MID2: variants seen among roughly 807,000 people sequenced by gnomAD.
The protein encoded by MID2 is probable E3 ubiquitin-protein ligase MID2.
MID2 carries 13 observed loss-of-function variants against 46.1 expected under a neutral mutation model. That is an observed-to-expected ratio of 0.28 (90% CI 0.18 to 0.45). The LOEUF is 0.45. Among genes scored for constraint, MID2 ranks in the 20% least tolerant of loss-of-function variants. The pLI is 1.00. For missense variants in MID2, 431 were observed against 575.4 expected (o/e 0.75, Z 2.57); for synonymous variants, 199 against 212.3 (o/e 0.94, Z 0.55).
chrX:107,838,778 CA>C (rs1423758680), intron 1 of MID2, among the ~76,000 whole-genome samples: 1 of 111,536 alleles, frequency 9.0e-6, no homozygotes, highest in Non-Finnish European at 1.9e-5. Context: ...CCAATGATGA[CA>C]AGATAATAAA....
intron 2 of MID2, among the ~76,000 whole-genome samples, chrX:107,850,266 A>T (rs1931583681): frequency 2.7e-5 from 3 of 111,380 alleles, no homozygotes; most frequent in African/African-American, 9.8e-5. Flanking sequence ...TACTTGGCCA[A>T]ATCAATCAAA....
At chrX:107,910,779 T>C (rs1048131238) in intron 5 of MID2, among the ~76,000 whole-genome samples, 1 of 6,508 alleles carries the variant, frequency 1.5e-4, no homozygotes, top group African/African-American at 1.9e-3. Context: ...TTTCCTTTCC[T>C]TTCCTTTCCT....
rs1196892084 is a variant in MID2, at chrX:107,873,825, G to T, written c.816+19121G>T. Among the ~76,000 whole-genome samples, 39 of 111,596 alleles carry T rather than the reference G, an allele frequency of 3.5e-4. No individual in the cohort carries two copies. In the Admixed American group the frequency reaches 3.7e-3, roughly 11 times the overall value. On this transcript the variant is annotated intron_variant, in intron 3 of 9. Coordinates refer to ENST00000262843, the MANE Select transcript of MID2 (RefSeq NM_012216.4). ...GAGGATAATAGTCTATTAATTTCCT[G>T]ATGGTATTTAATGGGACTCCCATTA...
At chrX:107,872,471 A>G (rs1932093883) in intron 3 of MID2, among the ~76,000 whole-genome samples, 1 of 112,413 alleles carries the variant, frequency 8.9e-6, no homozygotes, top group African/African-American at 3.2e-5. Context: ...TTAATTATTA[A>G]CACTTATCTT....
intron 3 of MID2, among the ~76,000 whole-genome samples, chrX:107,872,170 A>G (rs1932083278): frequency 9.0e-6 from 1 of 111,695 alleles, no homozygotes; most frequent in African/African-American, 3.3e-5. Flanking sequence ...AGGTCTACCT[A>G]AGGGTCCCCA....
chrX:107,853,864 C>G (rs1333554205), intron 2 of MID2, among the ~76,000 whole-genome samples: 1 of 111,805 alleles, frequency 8.9e-6, no homozygotes, highest in African/African-American at 3.3e-5. Flanking sequence ...TTTGCACATG[C>G]TAGTAATATG....
intron 3 of MID2, among the ~76,000 whole-genome samples, chrX:107,886,172 G>T (rs1932447918): frequency 9.0e-6 from 1 of 111,661 alleles, no homozygotes; most frequent in Admixed American, 9.5e-5. Flanking sequence ...ATTGCTTTTG[G>T]TGTTTTAGAC....
chrX:107,876,736 C>T (rs1267097788), intron 3 of MID2, among the ~76,000 whole-genome samples: 1 of 112,235 alleles, frequency 8.9e-6, no homozygotes, highest in Non-Finnish European at 1.9e-5. Flanking sequence ...TCAAAAGTAA[C>T]ATAATGTCTT....
intron 3 of MID2, among the ~76,000 whole-genome samples, chrX:107,879,605 G>A (rs1214606903): frequency 8.9e-6 from 1 of 111,805 alleles, no homozygotes. Context: ...CAGCATTCAA[G>A]AGGGAAAACA....
At chrX:107,829,134 C>T (rs1931034843) in intron 1 of MID2, among the ~76,000 whole-genome samples, 1 of 111,989 alleles carries the variant, frequency 8.9e-6, no homozygotes, top group Non-Finnish European at 1.9e-5. Context: ...CTGCCAAGTC[C>T]AAGTGTTGGG....
At chrX:107,827,531 G>A (rs1412268621) in intron 1 of MID2, among the ~76,000 whole-genome samples, 1 of 111,896 alleles carries the variant, frequency 8.9e-6, no homozygotes, top group Non-Finnish European at 1.9e-5. Context: ...AAACTAAATA[G>A]AGAAGTACTG....
At chrX:107,874,031 A>G (rs1159551185) in intron 3 of MID2, among the ~76,000 whole-genome samples, 1 of 112,590 alleles carries the variant, frequency 8.9e-6, no homozygotes, top group Non-Finnish European at 1.9e-5. Context: ...ACTCTCAACA[A>G]TATCATTCAG....
intron 3 of MID2, chrX:107,895,721 C>T (rs1183126858): frequency 3.6e-5 from 4 of 111,420 alleles, no homozygotes; most frequent in African/African-American, 1.3e-4. Context: ...TTTATTTCTT[C>T]AGAGGGATTT....
chrX:107,869,748 A>G (rs1932028439), intron 3 of MID2, among the ~76,000 whole-genome samples: 1 of 110,249 alleles, frequency 9.1e-6, no homozygotes, highest in African/African-American at 3.3e-5. Flanking sequence ...TTCTATTTCC[A>G]TTTTTAAAAG....
chrX:107,840,977 T>C lies in MID2; in HGVS notation c.312T>C (p.Asp104=). Residue 104 remains aspartate, a synonymous_variant, in exon 2 of 10, where the codon GAT becomes GAC. Coordinates refer to ENST00000262843, the MANE Select transcript of MID2 (RefSeq NM_012216.4). The part of the protein sequence containing the change: ...KRNVTLQNII[D]RFQKASVSGP... ...ATGTGACTCTGCAGAACATTATTGA[T>C]CGCTTCCAGAAGGCTTCAGTCAGTG... 1 of 1,211,411 alleles carries C rather than the reference T, an allele frequency of 8.3e-7. No individual in the cohort carries two copies. The highest frequency in any genetic ancestry group is 1.8e-5 in the South Asian group (1 of 56,941).
intron 3 of MID2, among the ~76,000 whole-genome samples, chrX:107,880,682 G>C (rs73529364): frequency 8.9e-6 from 1 of 112,433 alleles, no homozygotes; most frequent in African/African-American, 3.2e-5. Context: ...TGGAATAATG[G>C]CAGGTAATCA....
intron 3 of MID2, among the ~76,000 whole-genome samples, chrX:107,894,348 T>C (rs1932670727): frequency 9.0e-6 from 1 of 111,347 alleles, no homozygotes; most frequent in Non-Finnish European, 1.9e-5. Flanking sequence ...GTAAAGCACC[T>C]AGGAAAGGCA....
chrX:107,914,706 A>G (rs1932941542), intron 5 of MID2, among the ~76,000 whole-genome samples: 1 of 112,377 alleles, frequency 8.9e-6, no homozygotes, highest in Non-Finnish European at 1.9e-5. Context: ...CTTGCACAGG[A>G]CTAAAACATG....
chrX:107,885,431 T>A (rs948419868), intron 3 of MID2, among the ~76,000 whole-genome samples: 2 of 110,593 alleles, frequency 1.8e-5, no homozygotes, highest in Non-Finnish European at 3.8e-5. Flanking sequence ...TTCATCCATG[T>A]CCCTAAAAAG....
Sources: allele counts gnomAD v4.1 joint callset (sites outside exome capture counted in the v4.1 genomes callset), GRCh38; gene constraint gnomAD v4.1.1; transcripts MANE v1.5; gene names NCBI Gene and HGNC (gene_info 2026-07-23, HGNC 2026-07-21).